The following VWA5B1 variants were observed in gnomAD, a reference collection of about 807,000 sequenced individuals.
The protein encoded by VWA5B1 is von Willebrand factor A domain-containing protein 5B1.
A neutral mutation model predicts 118.2 loss-of-function variants in VWA5B1; 115 were observed. The observed-to-expected ratio is 0.97, with a 90% confidence interval of 0.84 to 1.14. VWA5B1 has a LOEUF of 1.14. VWA5B1 is among the 50% of genes most tolerant of loss of function. The pLI is 0.00. For synonymous variants in VWA5B1, 682 were observed against 658.4 expected (o/e 1.04, Z -0.55); for missense variants, 1,596 against 1,603.8 (o/e 1.00, Z 0.08).
chr1:20,319,892 G>A (rs1006890733), intron 7 of VWA5B1, among the ~76,000 whole-genome samples: 1 of 152,182 alleles, frequency 6.6e-6, no homozygotes, highest in Non-Finnish European at 1.5e-5. Context: ...GTAGCCTCTT[G>A]CTCTTCCTCC....
chr1:20,299,862 T>C (rs1277413058), intron 1 of VWA5B1, among the ~76,000 whole-genome samples: 2 of 152,172 alleles, frequency 1.3e-5, no homozygotes, highest in Non-Finnish European at 2.9e-5. Flanking sequence ...TCCCCACTCC[T>C]AGAAAGCACA....
Position 20,318,741 on chromosome 1 carries a change from GC to G in VWA5B1, c.841+24del. The stretch of plus-strand genomic sequence containing the variant: ...CCAGCGGTACGGTGCCCCACAACGG[GC>G]CCCTGGGCTGCCTGTGGGAGGGAGG... On this transcript the variant is annotated intron_variant, in intron 6 of 21. Coordinates refer to ENST00000289815, the MANE Select transcript of VWA5B1 (RefSeq NM_001039500.3). 6.8e-7 allele frequency: 1 copy of G among 1,460,018 alleles called. No homozygotes were observed. The highest frequency in any genetic ancestry group is 9.1e-7 in the Non-Finnish European group (1 of 1,099,804). 90.4% of individuals were successfully genotyped at this position (1,460,018 alleles called of 1,614,324 possible). A position where few individuals can be genotyped will look rare whatever the true frequency, so the allele number is the denominator to read the frequency against.
At chr1:20,291,359 T>TTCTTTCTTTCTTTCTTTCTTTCTCTCTC (rs1381113890) in intron 1 of VWA5B1, among the ~76,000 whole-genome samples, 6 of 103,408 alleles carry the variant, frequency 5.8e-5, no homozygotes, top group South Asian at 3.4e-4. Context: ...CTTTCTTTCT[T>TTCTTTCTTTCTTTCTTTCTTTCTCTCTC]TCTCTCTCTC....
intron 16 of VWA5B1, among the ~76,000 whole-genome samples, chr1:20,343,619 C>G (rs2089940185): frequency 7.1e-6 from 1 of 140,002 alleles, no homozygotes; most frequent in Non-Finnish European, 1.5e-5. Flanking sequence ...GCCCCACTCT[C>G]GCCCCATCCC....
At position 20,354,072 on chromosome 1, in the gene VWA5B1, T is replaced by A; in HGVS notation, c.3457T>A (p.Ser1153Thr). ...VVGLAWLEHS[S>T]ASYFTEWELV... ...GGGGCTGGCATGGCTGGAGCACAGT[T>A]CGGCCTCCTACTTCACTGAGTGGGA... is the stretch of plus-strand genomic sequence containing the variant. Residue 1153 changes from serine to threonine, a missense_variant, in exon 22 of 22, where the codon TCG becomes ACG. Coordinates refer to ENST00000289815, the MANE Select transcript of VWA5B1 (RefSeq NM_001039500.3). The A allele has an allele frequency of 6.4e-7, 1 of 1,551,460 alleles. No homozygotes were observed. The highest frequency in any genetic ancestry group is 8.7e-7 in the Non-Finnish European group (1 of 1,146,966).
intron 4 of VWA5B1, among the ~76,000 whole-genome samples, chr1:20,314,839 A>G (rs1191240054): frequency 6.6e-6 from 1 of 151,470 alleles, no homozygotes; most frequent in Non-Finnish European, 1.5e-5. Flanking sequence ...TGGAATCAGC[A>G]TTTCCAAGCT....
chr1:20,345,919 A>G (rs1246071039), intron 17 of VWA5B1, among the ~76,000 whole-genome samples: 1 of 152,280 alleles, frequency 6.6e-6, no homozygotes, highest in Non-Finnish European at 1.5e-5. Flanking sequence ...AATGTAAAAA[A>G]TAACTAAGAC....
rs2089438701 is a variant in VWA5B1 at position 20,327,981 on chromosome 1, C to T, written c.1235C>T (p.Ser412Phe). The change falls in exon 9 of 22, where the codon TCC (serine) becomes TTC (phenylalanine). Residue 412 changes from serine to phenylalanine, a missense_variant. Coordinates refer to ENST00000289815, the MANE Select transcript of VWA5B1 (RefSeq NM_001039500.3). ...FGSTFKSLFP[S>F]SQTYSEDSLA... ...TCCACATTTAAGAGCCTTTTTCCTT[C>T]CAGCCAGACCTACAGTGAGGTAATG... 3 of 1,551,376 alleles carry T rather than the reference C, an allele frequency of 1.9e-6. No individual in the cohort carries two copies. Among genetic ancestry groups the T allele is most frequent in the Non-Finnish European group, 2.6e-6 (3 of 1,146,974 alleles).
chr1:20,292,148 T>C (rs546720647), intron 1 of VWA5B1, among the ~76,000 whole-genome samples: 1 of 151,766 alleles, frequency 6.6e-6, no homozygotes, highest in Non-Finnish European at 1.5e-5. Context: ...CTCTCTTTCT[T>C]TCTCTCTCTC....
intron 8 of VWA5B1, 66 bp from the exon 9 acceptor site, chr1:20,327,824 G>T: frequency 7.6e-7 from 1 of 1,307,414 alleles, no homozygotes; most frequent in Non-Finnish European, 1.1e-6. Flanking sequence ...AGGGAATATT[G>T]GAGTGCAGTG....
chr1:20,318,529 G>A (rs1414374274), intron 5 of VWA5B1, 61 bp from the exon 6 acceptor site: 7 of 1,544,818 alleles, frequency 4.5e-6, no homozygotes, highest in East Asian at 2.5e-5. Context: ...GTGCCCCAGC[G>A]AACTCCTCTC....
chr1:20,359,306 TTTC>T lies in VWA5B1; in HGVS notation c.*5052_*5054del, dbSNP rs2090282357. On this transcript the variant is annotated 3_prime_UTR_variant, in exon 22 of 22. Transcript: ENST00000289815. ...AATGTCCCCATAGTGCCTATGACACTTTCTTCTTCTTGGGATATGCATCACCTG... is the reference window on the plus strand; with the variant it reads ...AATGTCCCCATAGTGCCTATGACACTTTCTTCTTGGGATATGCATCACCTG... 6.6e-6 allele frequency among the ~76,000 whole-genome samples: 1 copy of T among 152,130 alleles called. No homozygotes were observed.
intron 5 of VWA5B1, among the ~76,000 whole-genome samples, chr1:20,317,880 C>G (rs1243289048): frequency 1.3e-5 from 2 of 151,882 alleles, no homozygotes; most frequent in African/African-American, 4.8e-5. Context: ...TTCAAGGCAA[C>G]CGACTTTCAC....
Position 20,348,252 on chromosome 1 carries a change from C to A in VWA5B1, c.2772C>A (p.Ala924=). Residue 924 remains alanine (A), a synonymous_variant, in exon 18 of 22, where the codon GCC becomes GCA. Coordinates refer to ENST00000289815, the MANE Select transcript of VWA5B1 (RefSeq NM_001039500.3). ...TVVEYPNSGA[A]LRMLGSRALA... is the part of the protein sequence containing the mutation. Reference sequence around the variant, plus strand: ...CCCTTGTCTTCCGCGAAGGAGCTGCCCTGCGTATGCTTGGCTCTCGGGCCC... The same window carrying A: ...CCCTTGTCTTCCGCGAAGGAGCTGCACTGCGTATGCTTGGCTCTCGGGCCC... 6.4e-7 allele frequency: 1 copy of A among 1,551,646 alleles called. No homozygotes were observed. Among genetic ancestry groups the A allele is most frequent in the African/African-American group, 1.4e-5 (1 of 73,176 alleles).
Position 20,343,317 on chromosome 1 carries a change from C to T in VWA5B1, c.2550C>T (p.Thr850=), listed in dbSNP as rs868337003. Residue 850 remains threonine (T), a synonymous_variant, in exon 16 of 22, where the codon ACC becomes ACT. Coordinates refer to ENST00000289815, the MANE Select transcript of VWA5B1 (RefSeq NM_001039500.3). ...AGGATGCCGACCTATGGAGCGAGAC[C>T]TTCCACCACCTGGCGGCCCGCGCCA... ...GAQDADLWSE[T]FHHLAARAII... 19 of 1,545,020 alleles carry T rather than the reference C, an allele frequency of 1.2e-5. 1 individual carries two copies. Among genetic ancestry groups the T allele is most frequent in the Middle Eastern group, 3.3e-4 (2 of 6,004 alleles).
At position 20,332,651 on chromosome 1, in the gene VWA5B1, GGCCT is replaced by G. The variant is rs2089602787; in HGVS notation, c.1573-114_1573-111del. ...CTCAGTGCTAGGCAAGTCACCACAAGGCCTACTGTCCCCTCTTCCCTGCTCCCAC... is the reference window on the plus strand; with the variant it reads ...CTCAGTGCTAGGCAAGTCACCACAAGACTGTCCCCTCTTCCCTGCTCCCAC... On this transcript the variant is annotated intron_variant, in intron 11 of 21. Coordinates refer to ENST00000289815, the MANE Select transcript of VWA5B1 (RefSeq NM_001039500.3). The G allele has an allele frequency of 2.7e-6, 3 of 1,126,278 alleles. No homozygotes were observed. The Admixed American group carries it at 7.3e-5, about 27-fold the overall frequency. The allele number at this position is 1,126,278 out of a possible 1,614,324, so 69.8% of individuals were successfully genotyped here.
Position 20,312,869 on chromosome 1 carries a change from C to T in VWA5B1, c.173C>T (p.Thr58Met), listed in dbSNP as rs187629465. Reference sequence around the variant, plus strand: ...GTGTACCCCCTGGATGAGTGCACCACGGTGATCGGCTTTGAGGCAGTCATT... The same window carrying T: ...GTGTACCCCCTGGATGAGTGCACCATGGTGATCGGCTTTGAGGCAGTCATT... ...LFVYPLDECT[T>M]VIGFEAVIAD... is the part of the protein sequence containing the mutation. The change falls in exon 3 of 22, where the codon ACG becomes ATG. Residue 58 changes from threonine to methionine, a missense_variant. Thr to Met is a moderately conservative substitution (Grantham distance 81, BLOSUM62 -1). Coordinates refer to ENST00000289815, the MANE Select transcript of VWA5B1 (RefSeq NM_001039500.3). The T allele has an allele frequency of 3.3e-4, 514 of 1,551,604 alleles. 4 individuals carry two copies. In the East Asian group the frequency reaches 3.8e-3, roughly 12 times the overall value.
Position 20,330,972 on chromosome 1 carries a change from C to T in VWA5B1, c.1561C>T (p.Leu521=). The T allele has an allele frequency of 6.5e-7, 1 of 1,548,464 alleles. No individual in the cohort carries two copies. Among genetic ancestry groups the T allele is most frequent in the Non-Finnish European group, 8.7e-7 (1 of 1,145,420 alleles). Residue 521 remains leucine, a synonymous_variant, in exon 11 of 22, where the codon CTG becomes TTG. Transcript: ENST00000289815. ...TGAGCTCCTGATGGAGGGGGAGCGG[C>T]TGCAACCCAAGGTAGGCAGCAGAAC... ...SAELLMEGER[L]QPKMVKSLKK... is the part of the protein sequence containing the mutation.
In VWA5B1 at chr1:20,330,465, T is replaced by C. The variant is rs1332476921; in HGVS notation, c.1457+83T>C. 5 of 1,485,112 alleles carry C rather than the reference T, an allele frequency of 3.4e-6. No homozygotes were observed. In the Admixed American group the frequency reaches 8.0e-5, roughly 24 times the overall value. The allele number at this position is 1,485,112 out of a possible 1,614,324, so 92.0% of individuals were successfully genotyped here. A position where few individuals can be genotyped will look rare whatever the true frequency, so the allele number is the denominator to read the frequency against. On this transcript the variant is annotated intron_variant, in intron 10 of 21. Coordinates refer to ENST00000289815, the MANE Select transcript of VWA5B1 (RefSeq NM_001039500.3). ...CAGAGCCCAAGGGCAATGTGGAAAA[T>C]GCCAGAGGGAGAGGATAGGACCCAC... is the stretch of plus-strand genomic sequence containing the variant.
Sources: allele counts gnomAD v4.1 joint callset (sites outside exome capture counted in the v4.1 genomes callset), GRCh38; gene constraint gnomAD v4.1.1; transcripts MANE v1.5; gene names NCBI Gene and HGNC (gene_info 2026-07-23, HGNC 2026-07-21).